Variants in USH2A observed in about 807,000 individuals in gnomAD.
USH2A encodes the protein Usher syndrome 2A (autosomal recessive, mild).
A neutral mutation model predicts 538.9 loss-of-function variants in USH2A; 443 were observed. That is an observed-to-expected ratio of 0.82 (90% CI 0.76 to 0.89). USH2A has a LOEUF of 0.89. Ranked by LOEUF, USH2A falls within the 40% of genes least tolerant of loss-of-function variation. USH2A has a pLI of 0.00. For synonymous variants in USH2A, 2,413 were observed against 2,273.5 expected, an observed-to-expected ratio of 1.06 and a Z score of -1.75; for missense variants, 6,633 against 6,324.8, an observed-to-expected ratio of 1.05 and a Z score of -1.65.
intron 35 of USH2A, among the ~76,000 whole-genome samples, chr1:215,971,912 G>A (rs1380078456): frequency 2.6e-5 from 4 of 152,152 alleles, no homozygotes; most frequent in Admixed American, 1.3e-4. Context: ...TGTGATGAGG[G>A]AGGTGAGAGC....
At chr1:215,681,513 A>C (rs76220124) in intron 61 of USH2A, among the ~76,000 whole-genome samples, 219 of 152,332 alleles carry the variant, frequency 1.4e-3, no homozygotes, top group African/African-American at 5.0e-3. Context: ...TTCCTTGATG[A>C]ACAAGGGAAG....
intron 44 of USH2A, among the ~76,000 whole-genome samples, chr1:215,861,354 G>A (rs1042770784): frequency 6.6e-6 from 1 of 152,158 alleles, no homozygotes; most frequent in Non-Finnish European, 1.5e-5. Context: ...AATTGATATG[G>A]GCAAACAGGG....
intron 35 of USH2A, among the ~76,000 whole-genome samples, chr1:215,992,006 T>C (rs1668013695): frequency 6.6e-6 from 1 of 152,186 alleles, no homozygotes. Flanking sequence ...GCAGAGATAA[T>C]AATTCACTCT....
intron 40 of USH2A, among the ~76,000 whole-genome samples, chr1:215,892,730 A>C (rs1197389152): frequency 6.6e-6 from 1 of 152,200 alleles, no homozygotes; most frequent in Non-Finnish European, 1.5e-5. Flanking sequence ...AAGAATGGGC[A>C]CTGCAGTTTT....
intron 35 of USH2A, among the ~76,000 whole-genome samples, chr1:215,971,282 T>A (rs969650047): frequency 1.3e-5 from 2 of 152,084 alleles, no homozygotes; most frequent in African/African-American, 4.8e-5. Flanking sequence ...AGAAAAGGTA[T>A]CATATTGGAG....
intron 21 of USH2A, among the ~76,000 whole-genome samples, chr1:216,126,938 T>C (rs1477145444): frequency 6.6e-6 from 1 of 152,242 alleles, no homozygotes; most frequent in Non-Finnish European, 1.5e-5. Flanking sequence ...CTATAATGTA[T>C]GTTTGATAAA....
At chr1:216,266,139 A>ATGTAT (rs1306333646) in intron 11 of USH2A, among the ~76,000 whole-genome samples, 1 of 152,130 alleles carries the variant, frequency 6.6e-6, no homozygotes, top group Non-Finnish European at 1.5e-5. Flanking sequence ...CATTTTACAT[A>ATGTAT]TGTATTGAAA....
At chr1:215,888,129 A>G (rs1005792188) in intron 41 of USH2A, among the ~76,000 whole-genome samples, 7 of 151,970 alleles carry the variant, frequency 4.6e-5, no homozygotes, top group Non-Finnish European at 8.8e-5. Flanking sequence ...TCATTTTCTG[A>G]TCTATTTAAA....
At chr1:216,399,416 G>C (rs2039270688) in intron 3 of USH2A, among the ~76,000 whole-genome samples, 1 of 152,250 alleles carries the variant, frequency 6.6e-6, no homozygotes, top group South Asian at 2.1e-4. Flanking sequence ...AGTGGTATTA[G>C]TGAGACTGTG....
At chr1:215,971,159 A>T (rs1408561960) in intron 35 of USH2A, among the ~76,000 whole-genome samples, 1 of 152,184 alleles carries the variant, frequency 6.6e-6, no homozygotes, top group African/African-American at 2.4e-5. Context: ...AATCGACCTT[A>T]TTTGTTAATG....
intron 26 of USH2A, among the ~76,000 whole-genome samples, chr1:216,080,724 T>C (rs1237596358): frequency 1.3e-5 from 2 of 150,682 alleles, no homozygotes; most frequent in African/African-American, 4.9e-5. Flanking sequence ...GGGGAGACTG[T>C]AGAACAAGTT....
At chr1:215,850,334 A>G (rs568585472) in intron 44 of USH2A, among the ~76,000 whole-genome samples, 1 of 152,170 alleles carries the variant, frequency 6.6e-6, no homozygotes, top group African/African-American at 2.4e-5. Flanking sequence ...GATAAAAGCT[A>G]TCTTCTGTAA....
At chr1:216,279,160 TCTG>T (rs1247371052) in intron 11 of USH2A, among the ~76,000 whole-genome samples, 3 of 152,232 alleles carry the variant, frequency 2.0e-5, no homozygotes, top group African/African-American at 7.2e-5. Flanking sequence ...AGCATTACAA[TCTG>T]CTATTCTCTC....
intron 21 of USH2A, among the ~76,000 whole-genome samples, chr1:216,161,378 T>A (rs1372875164): frequency 1.3e-5 from 2 of 152,122 alleles, no homozygotes; most frequent in South Asian, 2.1e-4. Context: ...TTTGGCATCA[T>A]AATCTGAATC....
At chr1:216,383,230 T>A (rs1387408937) in intron 3 of USH2A, among the ~76,000 whole-genome samples, 2 of 152,108 alleles carry the variant, frequency 1.3e-5, no homozygotes, top group Non-Finnish European at 2.9e-5. Context: ...AAATCCATCA[T>A]CATCCAGACA....
In USH2A at chr1:216,391,728, A is replaced by G. The variant is rs753881001; in HGVS notation, c.652-26643T>C. On this transcript the variant is annotated intron_variant, in intron 3 of 71. Transcript: ENST00000307340. Reference sequence around the variant, plus strand: ...ATAAACTCTGCATTTTACCAACAAGAGAACTAAGGTGAGTGAGGTTAAGTG... The same window carrying G: ...ATAAACTCTGCATTTTACCAACAAGGGAACTAAGGTGAGTGAGGTTAAGTG... Among the ~76,000 whole-genome samples the G allele has an allele frequency of 3.3e-5, 5 of 152,230 alleles. 1 individual carries two copies. The highest frequency in any genetic ancestry group is 4.8e-5 in the African/African-American group (2 of 41,460).
intron 49 of USH2A, among the ~76,000 whole-genome samples, chr1:215,805,789 A>G (rs1165072490): frequency 6.6e-6 from 1 of 150,450 alleles, no homozygotes; most frequent in Non-Finnish European, 1.5e-5. Flanking sequence ...CTAAGCACTT[A>G]GAAGATACTT....
At chr1:216,373,318 T>C (rs1335086724) in intron 3 of USH2A, among the ~76,000 whole-genome samples, 1 of 152,150 alleles carries the variant, frequency 6.6e-6, no homozygotes, top group African/African-American at 2.4e-5. Context: ...CGTGAAAATA[T>C]CTTGGAAGTC....
intron 3 of USH2A, among the ~76,000 whole-genome samples, chr1:216,402,226 G>T (rs1332217067): frequency 1.3e-5 from 2 of 152,068 alleles, no homozygotes; most frequent in Non-Finnish European, 1.5e-5. Context: ...GATTGAAAAT[G>T]ATTCAAATTT....
Sources: gnomAD v4.1 joint callset for allele counts (sites outside exome capture counted in the v4.1 genomes callset) on GRCh38, gnomAD v4.1.1 for gene constraint, MANE v1.5 for transcripts, NCBI Gene and HGNC (gene_info 2026-07-23, HGNC 2026-07-21) for gene names.